Variants in AK4 observed in about 807,000 individuals in gnomAD.
The protein encoded by AK4 is adenylate kinase 4.
Under a neutral mutation model 24.6 loss-of-function variants are expected in AK4, and 13 were observed. The ratio of observed to expected loss-of-function variants is 0.53; its 90% confidence interval spans 0.34 to 0.84. AK4 has a LOEUF of 0.84. Ranked by LOEUF, AK4 falls within the 40% of genes least tolerant of loss-of-function variation. AK4 has a pLI of 0.01. For synonymous variants in AK4, 88 were observed against 107.0 expected (o/e 0.82, Z 1.10); for missense variants, 192 against 288.2 (o/e 0.67, Z 2.42).
intron 1 of AK4, among the ~76,000 whole-genome samples, chr1:65,152,893 A>C (rs894099774): frequency 6.6e-6 from 1 of 152,208 alleles, no homozygotes; most frequent in African/African-American, 2.4e-5. Flanking sequence ...GGAAGATAGA[A>C]ACATTGTATT....
intron 2 of AK4, among the ~76,000 whole-genome samples, chr1:65,202,874 T>TC (rs904184097): frequency 2.0e-4 from 28 of 137,992 alleles, no homozygotes; most frequent in Non-Finnish European, 3.7e-4. Flanking sequence ...GTCTTTTTTT[T>TC]TTTTTTTTTT....
intron 1 of AK4, among the ~76,000 whole-genome samples, chr1:65,164,316 TA>T (rs2100997582): frequency 6.6e-6 from 1 of 152,302 alleles, no homozygotes; most frequent in African/African-American, 2.4e-5. Context: ...TTCACTGTCA[TA>T]ATTTCCTCAG....
At chr1:65,189,399 C>T (rs1184892547) in intron 1 of AK4, among the ~76,000 whole-genome samples, 1 of 151,808 alleles carries the variant, frequency 6.6e-6, no homozygotes, top group Admixed American at 6.6e-5. Context: ...ATGCCTCAGC[C>T]TCCCGAGTAG....
chr1:65,167,967 TAA>T (rs1338399214), intron 1 of AK4, among the ~76,000 whole-genome samples: 1 of 152,162 alleles, frequency 6.6e-6, no homozygotes, highest in Non-Finnish European at 1.5e-5. Flanking sequence ...TTCTCTGACT[TAA>T]GTTGTCTTTT....
chr1:65,179,641 C>G (rs925543145), intron 1 of AK4, among the ~76,000 whole-genome samples: 2 of 152,108 alleles, frequency 1.3e-5, no homozygotes, highest in South Asian at 2.1e-4. Flanking sequence ...GAGTTTGAGA[C>G]CAACGTGGGT....
intron 1 of AK4, among the ~76,000 whole-genome samples, chr1:65,185,824 A>G (rs1265170470): frequency 6.6e-6 from 1 of 152,104 alleles, no homozygotes; most frequent in Non-Finnish European, 1.5e-5. Flanking sequence ...CATGTTGGTC[A>G]GGCTGGTCTC....
intron 1 of AK4, among the ~76,000 whole-genome samples, chr1:65,180,805 T>C (rs186993453): frequency 6.6e-6 from 1 of 152,244 alleles, no homozygotes; most frequent in East Asian, 1.9e-4. Flanking sequence ...CGTGTATGTG[T>C]GTGCGCAGGT....
chr1:65,200,707 G>A (rs1298205121), intron 2 of AK4, among the ~76,000 whole-genome samples: 2 of 152,256 alleles, frequency 1.3e-5, no homozygotes, highest in African/African-American at 4.8e-5. Flanking sequence ...TTGATCAGCA[G>A]CTGTGTGCCA....
chr1:65,210,598 A>G (rs1426413689), intron 2 of AK4, among the ~76,000 whole-genome samples: 2 of 152,118 alleles, frequency 1.3e-5, no homozygotes, highest in Admixed American at 6.5e-5. Flanking sequence ...CTCCTATGTG[A>G]AAATCTCATG....
rs1348018382 is a variant in AK4 at position 65,151,213 on chromosome 1, C to T, written c.145+2661C>T. ...AACTCGGGACCTTAGATGATCCACC[C>T]GTCTTGGCCTCCCAAAGTGCTGGGA... On this transcript the variant is annotated intron_variant, in intron 1 of 4. Coordinates refer to ENST00000327299, the MANE Select transcript of AK4 (RefSeq NM_013410.4). 2.6e-5 allele frequency among the ~76,000 whole-genome samples: 4 copies of T among 152,068 alleles called. No homozygotes were observed. In the South Asian group the frequency reaches 6.2e-4, roughly 24 times the overall value.
intron 1 of AK4, among the ~76,000 whole-genome samples, chr1:65,158,698 G>T (rs1298271631): frequency 3.3e-5 from 5 of 152,016 alleles, no homozygotes; most frequent in Non-Finnish European, 7.4e-5. Flanking sequence ...GTGGAGACGG[G>T]GTTTCACCAT....
intron 2 of AK4, among the ~76,000 whole-genome samples, chr1:65,199,176 A>G (rs1363220954): frequency 6.6e-6 from 1 of 151,712 alleles, no homozygotes; most frequent in African/African-American, 2.4e-5. Context: ...CTTTGAAGGT[A>G]GAGTTTGATC....
intron 1 of AK4, among the ~76,000 whole-genome samples, chr1:65,188,985 G>T (rs1651199647): frequency 6.6e-6 from 1 of 151,748 alleles, no homozygotes; most frequent in Non-Finnish European, 1.5e-5. Flanking sequence ...CTGTCACCCA[G>T]TGCAGTGGCG....
At chr1:65,208,468 C>T (rs1220921615) in intron 2 of AK4, among the ~76,000 whole-genome samples, 1 of 152,188 alleles carries the variant, frequency 6.6e-6, no homozygotes, top group African/African-American at 2.4e-5. Context: ...CAACCACCTG[C>T]TTTCAACTTT....
chr1:65,192,572 A>G (rs559152485), intron 2 of AK4, among the ~76,000 whole-genome samples: 2 of 152,272 alleles, frequency 1.3e-5, no homozygotes, highest in South Asian at 4.1e-4. Context: ...TATTCATTCT[A>G]TCCTATTAGC....
intron 2 of AK4, among the ~76,000 whole-genome samples, chr1:65,199,054 T>A (rs550662628): frequency 1.1e-3 from 154 of 140,868 alleles, no homozygotes; most frequent in Admixed American, 3.6e-3. Context: ...GCCACTGCAC[T>A]CCAGCCTGGG....
intron 1 of AK4, among the ~76,000 whole-genome samples, chr1:65,188,186 G>A (rs1228171527): frequency 6.6e-6 from 1 of 152,088 alleles, no homozygotes; most frequent in Non-Finnish European, 1.5e-5. Context: ...CTTGAGGTCA[G>A]GAATTGGTGA....
chr1:65,194,198 A>G (rs930481394), intron 2 of AK4, among the ~76,000 whole-genome samples: 3 of 152,224 alleles, frequency 2.0e-5, no homozygotes, highest in Admixed American at 1.3e-4. Flanking sequence ...ATTGCATTTT[A>G]TGCAATTAAA....
chr1:65,189,681 C>CCCA (rs1651230848), intron 1 of AK4, among the ~76,000 whole-genome samples: 1 of 149,226 alleles, frequency 6.7e-6, no homozygotes, highest in Non-Finnish European at 1.5e-5. Context: ...ACACACACCC[C>CCCA]ACACATTTAG....
Sources: gnomAD v4.1 joint callset for allele counts (sites outside exome capture counted in the v4.1 genomes callset) on GRCh38, gnomAD v4.1.1 for gene constraint, MANE v1.5 for transcripts, NCBI Gene and HGNC (gene_info 2026-07-23, HGNC 2026-07-21) for gene names.